Variants in TMEM245 observed in about 807,000 individuals in gnomAD.
TMEM245 encodes the protein protein CG-2.
In TMEM245, 69 loss-of-function variants were observed where a neutral mutation model predicts 101.2. The observed-to-expected ratio is 0.68, with a 90% confidence interval of 0.56 to 0.83. The LOEUF is 0.83. Ranked by LOEUF, TMEM245 falls within the 40% of genes least tolerant of loss-of-function variation. TMEM245 has a pLI of 0.00. For missense variants in TMEM245, 1,075 were observed against 1,092.8 expected (o/e 0.98, Z 0.23); for synonymous variants, 537 against 449.8 (o/e 1.19, Z -2.45).
At chr9:109,031,193 A>T (rs952790194) in intron 17 of TMEM245, among the ~76,000 whole-genome samples, 31 of 152,262 alleles carry the variant, frequency 2.0e-4, no homozygotes, top group Non-Finnish European at 2.9e-5. Flanking sequence ...CCAGATGTAT[A>T]ACCAGACATT....
At chr9:109,063,464 T>A (rs951106402) in intron 10 of TMEM245, among the ~76,000 whole-genome samples, 3 of 152,188 alleles carry the variant, frequency 2.0e-5, no homozygotes, top group African/African-American at 7.2e-5. Context: ...ATTATATTAT[T>A]TTTTTAGATT....
intron 9 of TMEM245, among the ~76,000 whole-genome samples, chr9:109,068,086 G>C (rs1829221365): frequency 6.6e-6 from 1 of 152,070 alleles, no homozygotes; most frequent in South Asian, 2.1e-4. Flanking sequence ...AGCCTTCCTT[G>C]GCCGGACGCG....
chr9:109,063,125 T>C (rs1829064200), intron 10 of TMEM245, among the ~76,000 whole-genome samples: 1 of 151,432 alleles, frequency 6.6e-6, no homozygotes, highest in South Asian at 2.1e-4. Flanking sequence ...CATCTAATTT[T>C]TTTTTCTTTT....
At chr9:109,043,651 G>T (rs968829937) in intron 14 of TMEM245, among the ~76,000 whole-genome samples, 1 of 152,130 alleles carries the variant, frequency 6.6e-6, no homozygotes, top group Non-Finnish European at 1.5e-5. Context: ...TGGTAGCTCA[G>T]ATGGACGTGA....
At chr9:109,101,738 G>A (rs1305871901) in intron 3 of TMEM245, among the ~76,000 whole-genome samples, 1 of 152,172 alleles carries the variant, frequency 6.6e-6, no homozygotes, top group Non-Finnish European at 1.5e-5. Context: ...GTCATAGCCT[G>A]TAATACAAAT....
At chr9:109,068,468 C>G (rs963381803) in intron 9 of TMEM245, among the ~76,000 whole-genome samples, 2 of 151,746 alleles carry the variant, frequency 1.3e-5, no homozygotes, top group African/African-American at 4.8e-5. Context: ...ATGGTAAAAC[C>G]CTCTCTTACT....
At chr9:109,086,312 G>C (rs1829835009) in intron 6 of TMEM245, among the ~76,000 whole-genome samples, 2 of 152,148 alleles carry the variant, frequency 1.3e-5, no homozygotes, top group African/African-American at 4.8e-5. Context: ...GTGTCTCCAT[G>C]CCTTTGCACT....
At chr9:109,073,115 TA>T (rs1359209967) in intron 9 of TMEM245, 20 of 479,344 alleles carry the variant, frequency 4.2e-5, no homozygotes, top group Non-Finnish European at 7.2e-5. Flanking sequence ...AAACATGCTG[TA>T]AACCTCAATT....
intron 7 of TMEM245, 72 bp downstream of exon 7, chr9:109,085,925 T>TA (rs1207058728): frequency 4.0e-6 from 6 of 1,507,702 alleles, no homozygotes; most frequent in African/African-American, 2.8e-5. Flanking sequence ...GACAGAAACA[T>TA]AGAGTGAAAA....
rs192587358 is a variant in TMEM245, at chr9:109,052,673, A to G, written c.1855-1981T>C. 3.9e-3 allele frequency among the ~76,000 whole-genome samples: 597 copies of G among 152,368 alleles called. 5 individuals are homozygous for G. Among genetic ancestry groups the G allele is most frequent in the African/African-American group, 0.014 (573 of 41,574 alleles). Reference sequence around the variant, plus strand: ...TTCACAATGCCTACAAAAATGTGCAAGATTGACTGTTTGACCTCGTGGGAT... The same window carrying G: ...TTCACAATGCCTACAAAAATGTGCAGGATTGACTGTTTGACCTCGTGGGAT... On this transcript the variant is annotated intron_variant, in intron 12 of 17. Transcript: ENST00000374586.
intron 8 of TMEM245, among the ~76,000 whole-genome samples, chr9:109,077,876 A>G (rs979775117): frequency 6.6e-6 from 1 of 152,146 alleles, no homozygotes; most frequent in African/African-American, 2.4e-5. Context: ...CTGACAATGT[A>G]TGCTTTTTGA....
At chr9:109,046,328 G>A (rs188029320) in intron 14 of TMEM245, 3 of 533,832 alleles carry the variant, frequency 5.6e-6, no homozygotes, top group Non-Finnish European at 1.2e-5. Context: ...GAGCATCAGG[G>A]AAGAAGGGTG....
chr9:109,062,849 A>T (rs1322088566), intron 10 of TMEM245, among the ~76,000 whole-genome samples: 1 of 152,066 alleles, frequency 6.6e-6, no homozygotes, highest in African/African-American at 2.4e-5. Flanking sequence ...GCATGCCTGT[A>T]GTTCCAGCTA....
At position 109,016,837 on chromosome 9, in the gene TMEM245, A is replaced by T. The variant is rs990474369; in HGVS notation, c.*3623T>A. 1 of 152,184 alleles carries T rather than the reference A, an allele frequency of 6.6e-6. No individual in the cohort carries two copies. Among genetic ancestry groups the T allele is most frequent in the African/African-American group, 2.4e-5 (1 of 41,442 alleles). The allele number at this position is 152,184 out of a possible 1,614,324, so 9.4% of individuals were successfully genotyped here. ...TATTTCCACTGTGAAATGCACACTC[A>T]AAGTCCTATTGTAATATTATTTTAA... On this transcript the variant is annotated 3_prime_UTR_variant, in exon 18 of 18. Coordinates refer to ENST00000374586, the MANE Select transcript of TMEM245 (RefSeq NM_032012.4).
chr9:109,072,052 T>TA (rs1452104777), intron 9 of TMEM245, among the ~76,000 whole-genome samples: 1 of 152,222 alleles, frequency 6.6e-6, no homozygotes, highest in African/African-American at 2.4e-5. Context: ...TATGTTCCAC[T>TA]AAAACTTCAT....
intron 3 of TMEM245, 92 bp downstream of exon 3, chr9:109,106,416 A>G: frequency 1.4e-6 from 1 of 701,274 alleles, no homozygotes; most frequent in Non-Finnish European, 2.2e-6. Context: ...GTTTTTAAAT[A>G]GATTCAAAGC....
intron 7 of TMEM245, among the ~76,000 whole-genome samples, chr9:109,083,144 A>G (rs888384229): frequency 5.3e-5 from 8 of 152,134 alleles, no homozygotes; most frequent in African/African-American, 1.9e-4. Flanking sequence ...GAGTTGATAC[A>G]TAAAACTAAG....
At position 109,091,163 on chromosome 9, in the gene TMEM245, G is replaced by A. The variant is rs775223897; in HGVS notation, c.917-8C>T. 26 of 1,610,846 alleles carry A rather than the reference G, an allele frequency of 1.6e-5. No individual in the cohort carries two copies. The East Asian group carries it at 5.8e-4, about 36-fold the overall frequency. Reference sequence around the variant, plus strand: ...CTCCCCTGTCCACTGCTTCTGAAAAGGAAAAGAAAAACACCACACACCGCA... The same window carrying A: ...CTCCCCTGTCCACTGCTTCTGAAAAAGAAAAGAAAAACACCACACACCGCA... On this transcript the variant is annotated splice_polypyrimidine_tract_variant and splice_region_variant and intron_variant, in intron 4 of 17. Transcript: ENST00000374586.
At chr9:109,023,307 T>C (rs1346862722) in intron 17 of TMEM245, among the ~76,000 whole-genome samples, 1 of 152,150 alleles carries the variant, frequency 6.6e-6, no homozygotes, top group Non-Finnish European at 1.5e-5. Flanking sequence ...ACAATATCTA[T>C]AGTCTAGAGA....
Sources: allele counts gnomAD v4.1 joint callset (sites outside exome capture counted in the v4.1 genomes callset), GRCh38; gene constraint gnomAD v4.1.1; transcripts MANE v1.5; gene names NCBI Gene and HGNC (gene_info 2026-07-23, HGNC 2026-07-21).